SRPK1: variants seen among roughly 807,000 people sequenced by gnomAD.
The protein encoded by SRPK1 is SRSF protein kinase 1, also known as SFRS protein kinase 1.
In SRPK1, 52 loss-of-function variants were observed where a neutral mutation model predicts 89.5. The ratio of observed to expected loss-of-function variants is 0.58; its 90% CI spans 0.46 to 0.73. The LOEUF (loss-of-function observed/expected upper bound fraction) is 0.73, where lower values mean the gene tolerates loss of function less well. Ranked by LOEUF, SRPK1 falls within the 30% of genes least tolerant of loss-of-function variation. SRPK1 has a pLI of 0.00. For synonymous variants in SRPK1, 255 were observed against 270.2 expected (o/e 0.94, Z 0.55); for missense variants, 603 against 780.6 (o/e 0.77, Z 2.71).
chr6:35,853,995 G>C (rs1769614787), intron 13 of SRPK1, among the ~76,000 whole-genome samples: 1 of 151,488 alleles, frequency 6.6e-6, no homozygotes, highest in Non-Finnish European at 1.5e-5. Context: ...CTGTTGCCCA[G>C]GCTGGGGTGC....
In SRPK1 at chr6:35,869,124, GCAT is replaced by G. The variant is rs1769971673; in HGVS notation, c.1412-17_1412-15del. On this transcript the variant is annotated splice_polypyrimidine_tract_variant and intron_variant, in intron 11 of 15. Transcript: ENST00000373825. ...CCGTGGATTTTCCTACAGACAACAG[GCAT>G]CATCAATAAGACTGTTCAATGAACA... 1 of 1,592,922 alleles carries G rather than the reference GCAT, an allele frequency of 6.3e-7. No homozygotes were observed. The highest frequency in any genetic ancestry group is 2.2e-5 in the East Asian group (1 of 44,710).
chr6:35,839,041 T>C (rs183504235), intron 14 of SRPK1, among the ~76,000 whole-genome samples: 40 of 152,376 alleles, frequency 2.6e-4, no homozygotes, highest in Non-Finnish European at 2.2e-4. Context: ...TGTCTATATA[T>C]CTAGGTTCAG....
At chr6:35,899,955 C>T (rs962419600) in intron 2 of SRPK1, among the ~76,000 whole-genome samples, 6 of 150,522 alleles carry the variant, frequency 4.0e-5, no homozygotes, top group African/African-American at 7.4e-5. Flanking sequence ...GAGCTGGGAT[C>T]GCACCACTAC....
chr6:35,889,934 T>TA (rs770236250), intron 3 of SRPK1, among the ~76,000 whole-genome samples: 392 of 128,578 alleles, frequency 3.0e-3, no homozygotes, highest in South Asian at 7.1e-3. Context: ...CTGTGTCTAC[T>TA]AAAAAAAAAA....
intron 6 of SRPK1, among the ~76,000 whole-genome samples, chr6:35,875,987 T>C (rs999083504): frequency 6.7e-6 from 1 of 150,134 alleles, no homozygotes; most frequent in Non-Finnish European, 1.5e-5. Context: ...CCATGTACTA[T>C]GCTTGACAAA....
chr6:35,873,848 A>G (rs1411460157), intron 7 of SRPK1, among the ~76,000 whole-genome samples: 1 of 149,004 alleles, frequency 6.7e-6, no homozygotes, highest in Non-Finnish European at 1.5e-5. Flanking sequence ...TTTTTTTGAG[A>G]CGGAGTCTCG....
At chr6:35,854,391 T>C (rs1769623690) in intron 13 of SRPK1, among the ~76,000 whole-genome samples, 1 of 152,238 alleles carries the variant, frequency 6.6e-6, no homozygotes, top group African/African-American at 2.4e-5. Context: ...TGCAGGATGA[T>C]CCATCTCTTC....
intron 6 of SRPK1, among the ~76,000 whole-genome samples, chr6:35,879,680 G>A (rs1022152305): frequency 1.3e-4 from 20 of 152,164 alleles, no homozygotes; most frequent in African/African-American, 4.6e-4. Context: ...AAATAGTTAA[G>A]TACAGCATAT....
intron 2 of SRPK1, among the ~76,000 whole-genome samples, chr6:35,908,681 A>G (rs893715709): frequency 2.8e-4 from 42 of 152,382 alleles, no homozygotes; most frequent in African/African-American, 9.4e-4. Flanking sequence ...TAGAAAAGAA[A>G]AAAACATTTT....
intron 2 of SRPK1, among the ~76,000 whole-genome samples, chr6:35,915,956 A>C (rs970167540): frequency 7.1e-6 from 1 of 140,206 alleles, no homozygotes; most frequent in African/African-American, 2.7e-5. Context: ...TGGGCGACAG[A>C]ACGAGACTCT....
intron 15 of SRPK1, among the ~76,000 whole-genome samples, chr6:35,837,683 G>A (rs1769210295): frequency 6.6e-6 from 1 of 152,022 alleles, no homozygotes; most frequent in South Asian, 2.1e-4. Context: ...AGCTTTCGGA[G>A]TAGCTGCGAC....
chr6:35,881,861 G>A (rs1164668485), intron 6 of SRPK1, among the ~76,000 whole-genome samples: 1 of 151,978 alleles, frequency 6.6e-6, no homozygotes, highest in Non-Finnish European at 1.5e-5. Context: ...CAGAAGATAA[G>A]CAAGGCAATA....
intron 12 of SRPK1, among the ~76,000 whole-genome samples, chr6:35,861,379 C>T (rs1218774854): frequency 2.0e-5 from 3 of 152,208 alleles, no homozygotes; most frequent in African/African-American, 7.2e-5. Flanking sequence ...ACAGGGAACC[C>T]ACAGAGAATC....
chr6:35,883,707 A>G (rs902580722), intron 6 of SRPK1, among the ~76,000 whole-genome samples: 4 of 152,140 alleles, frequency 2.6e-5, no homozygotes, highest in African/African-American at 9.7e-5. Flanking sequence ...AGTAGCAATC[A>G]GAAGCACTAG....
rs113392736 is a variant in SRPK1 at position 35,843,334 on chromosome 6, C to CAA, written c.1621-732_1621-731dup. Reference sequence around the variant, plus strand: ...AGATTCTGTACCAAACAAAAAAAATCAAAAAAAAAAAAAAATTCAGACTTC... The same window carrying CAA: ...AGATTCTGTACCAAACAAAAAAAATCAAAAAAAAAAAAAAAAATTCAGACTTC... On this transcript the variant is annotated intron_variant, in intron 13 of 15. Transcript: ENST00000373825. 9.3e-3 allele frequency among the ~76,000 whole-genome samples: 663 copies of CAA among 71,260 alleles called. 2 individuals carry two copies. Among genetic ancestry groups the CAA allele is most frequent in the African/African-American group, 0.021 (541 of 25,288 alleles). 46.7% of individuals were successfully genotyped at this position (71,260 alleles called of 152,430 possible). A position where few individuals can be genotyped will look rare whatever the true frequency, so the allele number is the denominator to read the frequency against.
At chr6:35,859,372 C>T (rs929161881) in intron 12 of SRPK1, among the ~76,000 whole-genome samples, 6 of 152,008 alleles carry the variant, frequency 3.9e-5, no homozygotes, top group Admixed American at 2.0e-4. Flanking sequence ...ACTGTGTACA[C>T]GCATGATTGA....
At chr6:35,839,321 C>A (rs544062274) in intron 14 of SRPK1, among the ~76,000 whole-genome samples, 1 of 152,212 alleles carries the variant, frequency 6.6e-6, no homozygotes, top group Non-Finnish European at 1.5e-5. Context: ...GCTGATACCC[C>A]ATTTTAAAGA....
At chr6:35,870,537 T>C in intron 9 of SRPK1, 43 bp from the exon 10 acceptor site, 1 of 1,503,802 alleles carries the variant, frequency 6.6e-7, no homozygotes, top group Non-Finnish European at 8.9e-7. Flanking sequence ...AGGTGGCTAA[T>C]TAATTACCCC....
Position 35,869,822 on chromosome 6 carries a change from A to G in SRPK1, c.1071T>C (p.Asn357=). Reference sequence around the variant, plus strand: ...TATAATTAATGACTTCAATCACTCCATTGCAATTAATTTCTGCTGCACCAC... The same window carrying G: ...TATAATTAATGACTTCAATCACTCCGTTGCAATTAATTTCTGCTGCACCAC... ...TEGGAAEINC[N]GVIEVINYTQ... The change falls in exon 11 of 16, where the codon AAT becomes AAC. Residue 357 remains asparagine (N), a synonymous_variant. Coordinates refer to ENST00000373825, the MANE Select transcript of SRPK1 (RefSeq NM_003137.5). 2 of 1,612,482 alleles carry G rather than the reference A, an allele frequency of 1.2e-6. No homozygotes were observed. The highest frequency in any genetic ancestry group is 1.7e-6 in the Non-Finnish European group (2 of 1,179,190).
Sources: allele counts gnomAD v4.1 joint callset (sites outside exome capture counted in the v4.1 genomes callset), GRCh38; gene constraint gnomAD v4.1.1; transcripts MANE v1.5; gene names NCBI Gene and HGNC (gene_info 2026-07-23, HGNC 2026-07-21).